PCSK5: variants seen among roughly 807,000 people sequenced by gnomAD.
The protein encoded by PCSK5 is proprotein convertase subtilisin/kexin type 5.
A neutral mutation model predicts 233.2 loss-of-function variants in PCSK5; 129 were observed. The ratio of observed to expected loss-of-function variants is 0.55; its 90% CI spans 0.48 to 0.64. PCSK5 has a LOEUF of 0.64. PCSK5 is among the 30% of genes least tolerant of loss of function. The pLI is 0.00. For missense variants in PCSK5, 2,076 were observed against 2,430.1 expected (o/e 0.85, Z 3.06); for synonymous variants, 825 against 879.2 (o/e 0.94, Z 1.09).
Position 76,282,145 on chromosome 9 carries a change from T to TTTTTTTTTTTTTC in PCSK5, c.3143-10086_3143-10085insTTTTTTTTTTCTT, listed in dbSNP as rs1286020691. ...CTTTTTTTTTTTTTTTTTTTTTTTT[T>TTTTTTTTTTTTTC]TTCGCTCTGTTGCCCAGGCTGGAGC... On this transcript the variant is annotated intron_variant, in intron 24 of 37. Coordinates refer to ENST00000674117, the MANE Select transcript of PCSK5 (RefSeq NM_001372043.1). Among the ~76,000 whole-genome samples the TTTTTTTTTTTTTC allele has an allele frequency of 2.9e-4, 29 of 98,990 alleles. 8 individuals are homozygous for TTTTTTTTTTTTTC. The highest frequency in any genetic ancestry group is 1.2e-3 in the East Asian group (3 of 2,480). 64.9% of individuals were successfully genotyped at this position (98,990 alleles called of 152,430 possible). A position where few individuals can be genotyped will look rare whatever the true frequency, so the allele number is the denominator to read the frequency against.
chr9:76,252,258 G>A lies in PCSK5; in HGVS notation c.3142+11574G>A, dbSNP rs566022572. 4.6e-5 allele frequency among the ~76,000 whole-genome samples: 7 copies of A among 152,174 alleles called. No individual in the cohort carries two copies. In the South Asian group the frequency reaches 1.2e-3, roughly 27 times the overall value. ...GCACTCCAGCCTGTGTGACAGAAGC[G>A]AGACTCCGTCTCAGAAAAAATAATA... is the stretch of plus-strand genomic sequence containing the variant. On this transcript the variant is annotated intron_variant, in intron 24 of 37. Transcript: ENST00000674117.
intron 10 of PCSK5, among the ~76,000 whole-genome samples, chr9:76,141,852 A>C (rs1823238747): frequency 6.6e-6 from 1 of 152,142 alleles, no homozygotes; most frequent in Non-Finnish European, 1.5e-5. Context: ...GCTGGAGGCC[A>C]TTATCCTTAG....
chr9:76,194,363 A>AATTT (rs1344728208), intron 20 of PCSK5: 2 of 152,132 alleles, frequency 1.3e-5, no homozygotes, highest in Admixed American at 6.6e-5. Context: ...TAAGAAATGG[A>AATTT]ATTTATTTAA....
At chr9:75,889,861 T>C (rs1825488553), upstream of PCSK5, among the ~76,000 whole-genome samples, 1 of 152,184 alleles carries the variant, frequency 6.6e-6, no homozygotes, top group South Asian at 2.1e-4. Context: ...CTGAACTTCC[T>C]CTGTGGTCTT....
chr9:75,941,323 C>A (rs1471879972), intron 2 of PCSK5, among the ~76,000 whole-genome samples: 1 of 152,146 alleles, frequency 6.6e-6, no homozygotes, highest in East Asian at 1.9e-4. Flanking sequence ...GTGGCTTTGG[C>A]CTTGTGTTTC....
At chr9:75,931,248 CTTT>C (rs3074142) in intron 1 of PCSK5, among the ~76,000 whole-genome samples, 69 of 130,430 alleles carry the variant, frequency 5.3e-4, no homozygotes, top group Admixed American at 8.2e-4. Flanking sequence ...TGGGCCAAGA[CTTT>C]TTTTTTTTTT....
intron 2 of PCSK5, among the ~76,000 whole-genome samples, chr9:75,944,121 C>T (rs939299770): frequency 6.6e-6 from 1 of 151,746 alleles, no homozygotes; most frequent in Non-Finnish European, 1.5e-5. Flanking sequence ...CGAGATTACA[C>T]CACTGCACTC....
chr9:76,199,206 CACCT>C (rs1215345722), intron 20 of PCSK5, among the ~76,000 whole-genome samples: 2 of 152,190 alleles, frequency 1.3e-5, no homozygotes, highest in Non-Finnish European at 2.9e-5. Context: ...GCCTACCACC[CACCT>C]AAGCTGTATG....
intron 2 of PCSK5, among the ~76,000 whole-genome samples, chr9:75,946,899 T>C (rs1824601249): frequency 6.6e-6 from 1 of 152,200 alleles, no homozygotes; most frequent in Non-Finnish European, 1.5e-5. Context: ...ATATTTAAAA[T>C]ATTTCTTAGC....
In PCSK5 at chr9:76,285,971, G is replaced by T. The variant is rs954856577; in HGVS notation, c.3143-6262G>T. On this transcript the variant is annotated intron_variant, in intron 24 of 37. Coordinates refer to ENST00000674117, the MANE Select transcript of PCSK5 (RefSeq NM_001372043.1). ...AAAAAAGAGGAAAGAAAAGATCTGG[G>T]CTGCGATGATTACTGGGTTCTATTT... is the stretch of plus-strand genomic sequence containing the variant. 5.9e-5 allele frequency among the ~76,000 whole-genome samples: 9 copies of T among 152,220 alleles called. 1 individual carries two copies. The South Asian group carries it at 1.2e-3, about 21-fold the overall frequency.
chr9:76,307,562 G>A (rs1037249815), intron 28 of PCSK5, among the ~76,000 whole-genome samples: 9 of 152,134 alleles, frequency 5.9e-5, no homozygotes, highest in African/African-American at 2.2e-4. Flanking sequence ...TCCTGGGAAA[G>A]CCTGCCCATC....
rs374689355 is a variant in PCSK5 at position 76,181,365 on chromosome 9, C to T, written c.2004-33C>T. On this transcript the variant is annotated intron_variant, in intron 15 of 37. Coordinates refer to ENST00000674117, the MANE Select transcript of PCSK5 (RefSeq NM_001372043.1). ...ATGCTGGGGACTGGTTTGCTCATGA[C>T]GCTGCCTTCTTTCTTATTGTTTCAC... is the stretch of plus-strand genomic sequence containing the variant. 16 of 1,582,522 alleles carry T rather than the reference C, an allele frequency of 1.0e-5. 1 individual carries two copies. The highest frequency in any genetic ancestry group is 6.7e-5 in the African/African-American group (5 of 74,248).
chr9:76,266,959 C>T (rs1282397546), intron 24 of PCSK5, among the ~76,000 whole-genome samples: 2 of 152,156 alleles, frequency 1.3e-5, no homozygotes, highest in Non-Finnish European at 1.5e-5. Flanking sequence ...TGAGCAGTTT[C>T]GGTGCACCTT....
chr9:76,266,854 T>A (rs1414007070), intron 24 of PCSK5, among the ~76,000 whole-genome samples: 1 of 152,192 alleles, frequency 6.6e-6, no homozygotes, highest in Non-Finnish European at 1.5e-5. Context: ...TTAGAAAGAC[T>A]GGTAGATGCT....
intron 33 of PCSK5, among the ~76,000 whole-genome samples, 163 bp downstream of exon 33, chr9:76,328,402 C>T (rs1829433490): frequency 6.6e-6 from 1 of 152,200 alleles, no homozygotes; most frequent in Non-Finnish European, 1.5e-5. Flanking sequence ...AAGAACTGTA[C>T]AAAGAACAGC....
chr9:76,146,567 T>C (rs1823450049), intron 10 of PCSK5, among the ~76,000 whole-genome samples: 1 of 151,648 alleles, frequency 6.6e-6, no homozygotes, highest in Admixed American at 6.6e-5. Flanking sequence ...GCACATGATG[T>C]TTTAATGAGT....
intron 6 of PCSK5, among the ~76,000 whole-genome samples, chr9:76,068,833 A>G (rs2153227): frequency 0.69 from 105,578 of 151,950 alleles, 37,131 homozygotes; most frequent in African/African-American, 0.8. Context: ...GTCTCCTAAG[A>G]GCGTCATAAG....
intron 2 of PCSK5, among the ~76,000 whole-genome samples, chr9:75,979,180 C>T (rs1250120539): frequency 6.6e-6 from 1 of 152,026 alleles, no homozygotes; most frequent in East Asian, 1.9e-4. Flanking sequence ...TATAATTTAT[C>T]TGCTGTTTAG....
chr9:75,904,687 G>A (rs186837799), intron 1 of PCSK5, among the ~76,000 whole-genome samples: 1 of 152,178 alleles, frequency 6.6e-6, no homozygotes, highest in Non-Finnish European at 1.5e-5. Context: ...TTTACAATGG[G>A]AATGTGCTAA....
Sources: allele counts gnomAD v4.1 joint callset (sites outside exome capture counted in the v4.1 genomes callset), GRCh38; gene constraint gnomAD v4.1.1; transcripts MANE v1.5; gene names NCBI Gene and HGNC (gene_info 2026-07-23, HGNC 2026-07-21).